GPC5: variants seen among roughly 807,000 people sequenced by gnomAD.
GPC5 encodes glypican 5.
In GPC5, 47 loss-of-function variants were observed where a neutral mutation model predicts 53.9. The ratio of observed to expected loss-of-function variants is 0.87; its 90% CI spans 0.69 to 1.11. The LOEUF is 1.11. Among genes scored for constraint, GPC5 ranks in the 50% most tolerant of loss-of-function variants. GPC5 has a pLI of 0.00. For missense variants in GPC5, 748 were observed against 713.1 expected, an observed-to-expected ratio of 1.05 and a Z score of -0.56; for synonymous variants, 286 against 263.3, an observed-to-expected ratio of 1.09 and a Z score of -0.84.
intron 2 of GPC5, among the ~76,000 whole-genome samples, chr13:91,675,619 A>G (rs2035364022): frequency 6.6e-6 from 1 of 152,230 alleles, no homozygotes; most frequent in African/African-American, 2.4e-5. Flanking sequence ...GTGGTATGAA[A>G]TAGTAGATTG....
At chr13:91,543,002 G>A (rs7323416) in intron 2 of GPC5, among the ~76,000 whole-genome samples, 2,856 of 151,992 alleles carry the variant, frequency 0.019, 83 homozygotes, top group African/African-American at 0.065. Context: ...GACTACAGGC[G>A]CCCACCACCA....
chr13:92,473,146 C>T (rs1055031276), intron 7 of GPC5, among the ~76,000 whole-genome samples: 1 of 152,026 alleles, frequency 6.6e-6, no homozygotes, highest in African/African-American at 2.4e-5. Flanking sequence ...CACATATTTT[C>T]ATCCATCGTC....
chr13:91,872,425 T>G (rs1390634406), intron 5 of GPC5, among the ~76,000 whole-genome samples: 1 of 152,214 alleles, frequency 6.6e-6, no homozygotes, highest in Non-Finnish European at 1.5e-5. Context: ...AGCATTCTTT[T>G]TCTTTCTTTT....
intron 7 of GPC5, among the ~76,000 whole-genome samples, chr13:92,671,815 C>T (rs754263783): frequency 3.9e-5 from 6 of 152,140 alleles, no homozygotes; most frequent in East Asian, 1.9e-4. Context: ...GTCCTGTAGA[C>T]GATTGAGAGT....
intron 7 of GPC5, among the ~76,000 whole-genome samples, chr13:92,800,725 G>T (rs1876869726): frequency 6.6e-6 from 1 of 151,806 alleles, no homozygotes; most frequent in South Asian, 2.1e-4. Flanking sequence ...CTTAAGCAAT[G>T]AATGGTTTCT....
intron 6 of GPC5, among the ~76,000 whole-genome samples, chr13:92,037,821 G>A (rs2040905899): frequency 6.6e-6 from 1 of 152,108 alleles, no homozygotes; most frequent in South Asian, 2.1e-4. Flanking sequence ...TTATACACAG[G>A]TGTTTATATT....
chr13:92,707,668 C>G (rs1385817000), intron 7 of GPC5, among the ~76,000 whole-genome samples: 1 of 152,046 alleles, frequency 6.6e-6, no homozygotes, highest in African/African-American at 2.4e-5. Flanking sequence ...GCTAGACTCC[C>G]TTTTCCAAGG....
At chr13:92,466,134 G>A (rs1415414123) in intron 7 of GPC5, among the ~76,000 whole-genome samples, 1 of 151,952 alleles carries the variant, frequency 6.6e-6, no homozygotes, top group Non-Finnish European at 1.5e-5. Context: ...ACAGTGTATA[G>A]AGGTATCATA....
At chr13:91,806,437 C>CT (rs36011304) in intron 5 of GPC5, among the ~76,000 whole-genome samples, 1,488 of 148,210 alleles carry the variant, frequency 0.01, 9 homozygotes, top group South Asian at 0.024. Context: ...AATTTAATTT[C>CT]TTTTTTTTTT....
At chr13:91,754,561 G>C (rs902748363) in intron 4 of GPC5, among the ~76,000 whole-genome samples, 3 of 151,934 alleles carry the variant, frequency 2.0e-5, no homozygotes, top group African/African-American at 7.3e-5. Context: ...ATTTGGGCCT[G>C]GTCTTCATTC....
chr13:91,794,210 A>G (rs563257389), intron 5 of GPC5, among the ~76,000 whole-genome samples: 1 of 152,306 alleles, frequency 6.6e-6, no homozygotes, highest in East Asian at 1.9e-4. Context: ...TTTAATTCCA[A>G]CACCCCAAAG....
intron 6 of GPC5, among the ~76,000 whole-genome samples, chr13:92,038,844 T>G (rs1179617630): frequency 6.6e-6 from 1 of 152,054 alleles, no homozygotes; most frequent in Non-Finnish European, 1.5e-5. Context: ...CCCAGGAAGC[T>G]CTAACATTAA....
intron 7 of GPC5, among the ~76,000 whole-genome samples, chr13:92,382,672 T>G (rs1330522805): frequency 6.6e-6 from 1 of 152,212 alleles, no homozygotes; most frequent in Non-Finnish European, 1.5e-5. Context: ...CACAGTTAGC[T>G]CTCATCAGTT....
intron 2 of GPC5, among the ~76,000 whole-genome samples, chr13:91,521,041 G>A (rs1419605505): frequency 6.6e-6 from 1 of 151,878 alleles, no homozygotes; most frequent in African/African-American, 2.4e-5. Context: ...ATATTCTTAT[G>A]GAGGTTTAAA....
chr13:91,959,613 T>C (rs748434753), intron 6 of GPC5, among the ~76,000 whole-genome samples: 5 of 151,898 alleles, frequency 3.3e-5, no homozygotes, highest in Non-Finnish European at 5.9e-5. Context: ...CAGGCCAATA[T>C]CCCTGATGAA....
chr13:91,480,882 A>T (rs1033509619), intron 2 of GPC5, among the ~76,000 whole-genome samples: 3 of 152,042 alleles, frequency 2.0e-5, no homozygotes, highest in African/African-American at 7.2e-5. Context: ...CTAGTTCTTT[A>T]GTAGATGAGA....
chr13:91,911,282 G>A (rs2039607500), intron 6 of GPC5, among the ~76,000 whole-genome samples: 1 of 152,128 alleles, frequency 6.6e-6, no homozygotes, highest in South Asian at 2.1e-4. Context: ...AGTGGCTCAT[G>A]CCTGTAATCT....
chr13:92,621,168 T>C (rs1054123928), intron 7 of GPC5, among the ~76,000 whole-genome samples: 4 of 152,130 alleles, frequency 2.6e-5, no homozygotes, highest in African/African-American at 9.7e-5. Flanking sequence ...TAACGTTTTA[T>C]GTAAGCAGAG....
intron 5 of GPC5, among the ~76,000 whole-genome samples, chr13:91,872,174 T>C (rs1439587024): frequency 6.6e-6 from 1 of 152,154 alleles, no homozygotes; most frequent in Non-Finnish European, 1.5e-5. Flanking sequence ...GCTGTTCTCA[T>C]ATTAATACCT....
Sources: gnomAD v4.1 joint callset for allele counts (sites outside exome capture counted in the v4.1 genomes callset) on GRCh38, gnomAD v4.1.1 for gene constraint, MANE v1.5 for transcripts, NCBI Gene and HGNC (gene_info 2026-07-23, HGNC 2026-07-21) for gene names.